Variants in DDX28 observed in about 807,000 individuals in gnomAD.
DDX28 encodes DEAD-box helicase 28.
In DDX28, 25 loss-of-function variants were observed where a neutral mutation model predicts 26.8. The ratio of observed to expected loss-of-function variants is 0.93; its 90% CI spans 0.68 to 1.30. The LOEUF is 1.30. Ranked by LOEUF, DDX28 falls within the 50% of genes most tolerant of loss-of-function variation. The probability of loss-of-function intolerance (pLI) is 0.00; values close to 1 mark genes in which losing one functional copy is unlikely to be tolerated. For synonymous variants in DDX28, 370 were observed against 311.9 expected, an observed-to-expected ratio of 1.19 and a Z score of -1.96; for missense variants, 790 against 695.1, an observed-to-expected ratio of 1.14 and a Z score of -1.53.
rs766801673 is a variant in DDX28, at chr16:68,022,116, G to A, written c.1087C>T (p.Pro363Ser). The A allele has an allele frequency of 3.1e-6, 5 of 1,614,086 alleles. No individual in the cohort carries two copies. The Admixed American group carries it at 5.0e-5, about 16-fold the overall frequency. Reference protein sequence around the residue: ...ITSSKLHCIMPHVKQTFLRLK... With the variant: ...ITSSKLHCIMSHVKQTFLRLK... ...CTCAGAAATGTCTGTTTCACATGAG[G>A]CATGATACAGTGGAGCTTGGAGCTG... Residue 363 changes from proline (P) to serine (S), a missense_variant, in exon 1 of 1, where the codon CCT becomes TCT. Coordinates refer to ENST00000332395, the MANE Select transcript of DDX28 (RefSeq NM_018380.4).
Position 68,022,832 on chromosome 16 carries a change from G to A in DDX28, c.371C>T (p.Ser124Phe), listed in dbSNP as rs1403161244. Residue 124 changes from serine (S) to phenylalanine (F), a missense_variant, in exon 1 of 1, where the codon TCT (serine) becomes TTT (phenylalanine). By Grantham distance (155) the Ser-to-Phe change is radical (BLOSUM62 -2). Coordinates refer to ENST00000332395, the MANE Select transcript of DDX28 (RefSeq NM_018380.4). ...QEAPAVRKLS[S>F]KGSFADLGLE... ...GCCCAGGTCAGCAAAGCTGCCCTTAGACGAGAGCTTTCGCACCGCTGGCGC... is the reference window on the plus strand; with the variant it reads ...GCCCAGGTCAGCAAAGCTGCCCTTAAACGAGAGCTTTCGCACCGCTGGCGC... 1.9e-6 allele frequency: 3 copies of A among 1,575,002 alleles called. No homozygotes were observed. The African/African-American group carries it at 4.1e-5, about 21-fold the overall frequency.
Position 68,022,979 on chromosome 16 carries a change from T to G in DDX28, c.224A>C (p.Glu75Ala), listed in dbSNP as rs1015693133. ...GPLLVSARRPELNQPARLTLG... is the reference protein window; with the variant it reads ...GPLLVSARRPALNQPARLTLG... ...TGTGAGGCGCGCCGGCTGGTTCAACTCCGGCCGCCGCGCCGAAACCAGCAG... is the reference window on the plus strand; with the variant it reads ...TGTGAGGCGCGCCGGCTGGTTCAACGCCGGCCGCCGCGCCGAAACCAGCAG... The change falls in exon 1 of 1, where the codon GAG becomes GCG. Residue 75 changes from glutamate to alanine, a missense_variant. Coordinates refer to ENST00000332395, the MANE Select transcript of DDX28 (RefSeq NM_018380.4). The G allele has an allele frequency of 1.3e-6, 2 of 1,550,566 alleles. No individual in the cohort carries two copies. Among genetic ancestry groups the G allele is most frequent in the Non-Finnish European group, 1.7e-6 (2 of 1,156,036 alleles).
chr16:68,021,698 A>T lies in DDX28; in HGVS notation c.1505T>A (p.Phe502Tyr). Residue 502 changes from phenylalanine (F) to tyrosine (Y), a missense_variant, in exon 1 of 1, where the codon TTT becomes TAT. By Grantham distance (22) the Phe-to-Tyr change is conservative (BLOSUM62 3). Coordinates refer to ENST00000332395, the MANE Select transcript of DDX28 (RefSeq NM_018380.4). ...GCTCACATCCCAGGGATGGGTCACA[A>T]AACTGATGACGGTGCCTGGCACCTC... ...GSEVPGTVIS[F>Y]VTHPWDVSLV... 6.2e-7 allele frequency: 1 copy of T among 1,614,206 alleles called. No homozygotes were observed. The highest frequency in any genetic ancestry group is 8.5e-7 in the Non-Finnish European group (1 of 1,180,036).
rs758670444 is a variant in DDX28 at position 68,022,650 on chromosome 16, G to C, written c.553C>G (p.Pro185Ala). 3.1e-6 allele frequency: 5 copies of C among 1,613,012 alleles called. No individual in the cohort carries two copies. The highest frequency in any genetic ancestry group is 1.7e-6 in the Non-Finnish European group (2 of 1,179,836). Reference sequence around the variant, plus strand: ...TGGCCCAAGAGCCGTTGAAGCAGCGGCAGGAGGTAGCTGAGAGTCTTGCCA... The same window carrying C: ...TGGCCCAAGAGCCGTTGAAGCAGCGCCAGGAGGTAGCTGAGAGTCTTGCCA... ...GSGKTLSYLL[P>A]LLQRLLGQPS... The change falls in exon 1 of 1, where the codon CCG (proline) becomes GCG (alanine). Residue 185 changes from proline (P) to alanine (A), a missense_variant. Physicochemically the swap from Pro to Ala is conservative, Grantham distance 27. Transcript: ENST00000332395.
Position 68,022,853 on chromosome 16 carries a change from GGCGCCTCCT to G in DDX28, c.341_349del (p.Gln114_Ala116del). 6.4e-7 allele frequency: 1 copy of G among 1,571,658 alleles called. No individual in the cohort carries two copies. The highest frequency in any genetic ancestry group is 2.3e-5 in the East Asian group (1 of 44,186). The stretch of plus-strand genomic sequence containing the variant: ...CTTAGACGAGAGCTTTCGCACCGCT[GGCGCCTCCT>G]GTTGCGCGCGCTCGATGGAGAAGTG... On this transcript the variant is annotated inframe_deletion, in exon 1 of 1. Transcript: ENST00000332395.
rs1297742510 is a variant in DDX28 at position 68,022,046 on chromosome 16, T to C, written c.1157A>G (p.Lys386Arg). The part of the protein sequence containing the change: ...DKVAELVHIL[K>R]HRDRAERTGP... Reference sequence around the variant, plus strand: ...AGTCCTTTCTGCTCTGTCACGATGCTTGAGGATGTGCACCAGCTCGGCCAC... The same window carrying C: ...AGTCCTTTCTGCTCTGTCACGATGCCTGAGGATGTGCACCAGCTCGGCCAC... The change falls in exon 1 of 1, where the codon AAG becomes AGG. Residue 386 changes from lysine to arginine, a missense_variant. Coordinates refer to ENST00000332395, the MANE Select transcript of DDX28 (RefSeq NM_018380.4). 2 of 1,614,186 alleles carry C rather than the reference T, an allele frequency of 1.2e-6. No individual in the cohort carries two copies. Among genetic ancestry groups the C allele is most frequent in the Non-Finnish European group, 1.7e-6 (2 of 1,180,024 alleles).
rs140020726 is a variant in DDX28 at position 68,022,245 on chromosome 16, A to G, written c.958T>C (p.Phe320Leu). The G allele has an allele frequency of 6.6e-4, 1,072 of 1,614,192 alleles. 4 individuals carry two copies. In the African/African-American group the frequency reaches 0.013, roughly 20 times the overall value. Reference sequence around the variant, plus strand: ...AGCACTAACTGAGCTTTGGGATTGAAGGGGTCTTCCAAGTCAGCTGGGCCT... The same window carrying G: ...AGCACTAACTGAGCTTTGGGATTGAGGGGGTCTTCCAAGTCAGCTGGGCCT... Reference protein sequence around the residue: ...AEGPADLEDPFNPKAQLVLVG... With the variant: ...AEGPADLEDPLNPKAQLVLVG... Residue 320 changes from phenylalanine (F) to leucine (L), a missense_variant, in exon 1 of 1, where the codon TTC (phenylalanine) becomes CTC (leucine). Phe to Leu is a conservative substitution (Grantham distance 22). Transcript: ENST00000332395.
At position 68,022,396 on chromosome 16, in the gene DDX28, G is replaced by C. The variant is rs774695916; in HGVS notation, c.807C>G (p.Ala269=). ...CCAGACTGATCAGTCGACTTTTCAG[G>C]GCCTTCCACAGAGCCCCTGGAGTGG... The part of the protein sequence containing the change: ...LVATPGALWK[A]LKSRLISLEQ... The change falls in exon 1 of 1, where the codon GCC becomes GCG. Residue 269 remains alanine, a synonymous_variant. Transcript: ENST00000332395. The C allele has an allele frequency of 1.9e-5, 30 of 1,614,080 alleles. No homozygotes were observed. Among genetic ancestry groups the C allele is most frequent in the Non-Finnish European group, 2.5e-5 (29 of 1,180,018 alleles).
At position 68,022,778 on chromosome 16, in the gene DDX28, T is replaced by C. The variant is rs559827681; in HGVS notation, c.425A>G (p.Gln142Arg). Residue 142 changes from glutamine (Q) to arginine (R), a missense_variant, in exon 1 of 1, where the codon CAG becomes CGG. Transcript: ENST00000332395. ...GLEPRVLHAL[Q>R]EAAPEVVQPT... ...CTGAACGACTTCAGGCGCAGCCTCC[T>C]GTAGTGCGTGCAGCACACGGGGCTC... 41 of 1,607,544 alleles carry C rather than the reference T, an allele frequency of 2.6e-5. No individual in the cohort carries two copies. In the African/African-American group the frequency reaches 4.8e-4, roughly 19 times the overall value.
Position 68,023,129 on chromosome 16 carries a change from G to C in DDX28, c.74C>G (p.Thr25Arg). Reference sequence around the variant, plus strand: ...CAGGGGTTCGTCGGGACTGCGGACCGTGAGGCCCCGTCGCGGCGCCAGGAG... The same window carrying C: ...CAGGGGTTCGTCGGGACTGCGGACCCTGAGGCCCCGTCGCGGCGCCAGGAG... The part of the protein sequence containing the change: ...RLLLAPRRGL[T>R]VRSPDEPLPV... The change falls in exon 1 of 1, where the codon ACG (threonine) becomes AGG (arginine). Residue 25 changes from threonine (T) to arginine (R), a missense_variant. Coordinates refer to ENST00000332395, the MANE Select transcript of DDX28 (RefSeq NM_018380.4). 6.2e-7 allele frequency: 1 copy of C among 1,605,296 alleles called. No homozygotes were observed. The highest frequency in any genetic ancestry group is 1.7e-5 in the Admixed American group (1 of 59,986).
In DDX28 at chr16:68,022,706, C is replaced by A; in HGVS notation, c.497G>T (p.Arg166Leu). ...SSTIPSLLRG[R>L]HVVCAAETGS... is the part of the protein sequence containing the mutation. ...GGTTTCTGCGGCGCAAACGACATGG[C>A]GGCCGCGAAGTAGTGAGGGGATGGT... is the stretch of plus-strand genomic sequence containing the variant. Residue 166 changes from arginine (R) to leucine (L), a missense_variant, in exon 1 of 1, where the codon CGC becomes CTC. Physicochemically the swap from Arg to Leu is moderately radical, Grantham distance 102. Coordinates refer to ENST00000332395, the MANE Select transcript of DDX28 (RefSeq NM_018380.4). The A allele has an allele frequency of 1.2e-6, 2 of 1,613,200 alleles. No homozygotes were observed. The highest frequency in any genetic ancestry group is 1.7e-6 in the Non-Finnish European group (2 of 1,179,986).
In DDX28 at chr16:68,021,583, G is replaced by A; in HGVS notation, c.1620C>T (p.Thr540=). 2.5e-6 allele frequency: 4 copies of A among 1,611,720 alleles called. No homozygotes were observed. Among genetic ancestry groups the A allele is most frequent in the Non-Finnish European group, 2.5e-6 (3 of 1,178,328 alleles). ...ATTTTAATCAGATTTGTCAAAATCA[G>A]GTTGCTTGGGGCAAAGGCTCTTTCA... is the stretch of plus-strand genomic sequence containing the variant. The part of the protein sequence containing the change: ...SSVKEPLPQA[T] Residue 540 remains threonine (T), a synonymous_variant, in exon 1 of 1, where the codon ACC becomes ACT. Coordinates refer to ENST00000332395, the MANE Select transcript of DDX28 (RefSeq NM_018380.4).
At position 68,021,792 on chromosome 16, in the gene DDX28, T is replaced by A. The variant is rs142020569; in HGVS notation, c.1411A>T (p.Asn471Tyr). 8.7e-6 allele frequency: 14 copies of A among 1,614,106 alleles called. No homozygotes were observed. The highest frequency in any genetic ancestry group is 1.2e-5 in the Non-Finnish European group (14 of 1,180,012). The change falls in exon 1 of 1, where the codon AAT (asparagine) becomes TAT (tyrosine). Residue 471 changes from asparagine (N) to tyrosine (Y), a missense_variant. Asn to Tyr is a moderately radical substitution (Grantham distance 143). Coordinates refer to ENST00000332395, the MANE Select transcript of DDX28 (RefSeq NM_018380.4). Reference sequence around the variant, plus strand: ...TGCAGCGTTGGGGGGAAATCATAATTGACAACCAGCTCCACACCAGTGCTG... The same window carrying A: ...TGCAGCGTTGGGGGGAAATCATAATAGACAACCAGCTCCACACCAGTGCTG... ...LDSTGVELVV[N>Y]YDFPPTLQDY... is the part of the protein sequence containing the mutation.
chr16:68,022,759 G>A lies in DDX28; in HGVS notation c.444C>T (p.Val148=). 2 of 1,611,784 alleles carry A rather than the reference G, an allele frequency of 1.2e-6. No individual in the cohort carries two copies. The highest frequency in any genetic ancestry group is 1.7e-6 in the Non-Finnish European group (2 of 1,179,252). The change falls in exon 1 of 1, where the codon GTC becomes GTT. Residue 148 remains valine, a synonymous_variant. Transcript: ENST00000332395. ...TAGACTGCACGGTTGTGGGCTGAACGACTTCAGGCGCAGCCTCCTGTAGTG... is the reference window on the plus strand; with the variant it reads ...TAGACTGCACGGTTGTGGGCTGAACAACTTCAGGCGCAGCCTCCTGTAGTG... The part of the protein sequence containing the change: ...LHALQEAAPE[V]VQPTTVQSST...
Position 68,021,380 on chromosome 16 carries a change from GACT to G in DDX28, c.*197_*199del. 1.7e-6 allele frequency: 1 copy of G among 593,748 alleles called. No individual in the cohort carries two copies. Among genetic ancestry groups the G allele is most frequent in the East Asian group, 2.8e-5 (1 of 35,468 alleles). 36.8% of individuals were successfully genotyped at this position (593,748 alleles called of 1,614,324 possible). ...CAAAATCCACTTGTGTCTTGCTAAA[GACT>G]ACAGAAAGCCATGCTCAGCAGCTTC... On this transcript the variant is annotated 3_prime_UTR_variant, in exon 1 of 1. Coordinates refer to ENST00000332395, the MANE Select transcript of DDX28 (RefSeq NM_018380.4).
In DDX28 at chr16:68,021,832, G is replaced by A. The variant is rs373739456; in HGVS notation, c.1371C>T (p.Ala457=). 60 of 1,614,090 alleles carry A rather than the reference G, an allele frequency of 3.7e-5. 2 individuals are homozygous for A. In the South Asian group the frequency reaches 6.3e-4, roughly 17 times the overall value. The change falls in exon 1 of 1, where the codon GCC becomes GCT. Residue 457 remains alanine, a synonymous_variant. Transcript: ENST00000332395. ...CACCAGTGCTGTCCAGGCCCCGAGA[G>A]GCTATGTCTGTGCAGAGAAGTATGT... ...SRDILLCTDI[A]SRGLDSTGVE...
chr16:68,023,161 A>T lies in DDX28; in HGVS notation c.42T>A (p.Thr14=). Residue 14 remains threonine, a synonymous_variant, in exon 1 of 1, where the codon ACT becomes ACA. Coordinates refer to ENST00000332395, the MANE Select transcript of DDX28 (RefSeq NM_018380.4). ...CCCGTCGCGGCGCCAGGAGCAACCGAGTCACGAGGGAAAAGAGCCGCACCG... is the reference window on the plus strand; with the variant it reads ...CCCGTCGCGGCGCCAGGAGCAACCGTGTCACGAGGGAAAAGAGCCGCACCG... The part of the protein sequence containing the change: ...TRPVRLFSLV[T]RLLLAPRRGL... The T allele has an allele frequency of 6.2e-7, 1 of 1,608,750 alleles. No individual in the cohort carries two copies. Among genetic ancestry groups the T allele is most frequent in the South Asian group, 1.1e-5 (1 of 91,018 alleles).
Position 68,022,015 on chromosome 16 carries a change from G to C in DDX28, c.1188C>G (p.Pro396=). Reference sequence around the variant, plus strand: ...TACAGAACACCAGAACAGTTCCTGAGGGACCAGTCCTTTCTGCTCTGTCAC... The same window carrying C: ...TACAGAACACCAGAACAGTTCCTGACGGACCAGTCCTTTCTGCTCTGTCAC... ...KHRDRAERTG[P]SGTVLVFCNS... Residue 396 remains proline, a synonymous_variant, in exon 1 of 1, where the codon CCC becomes CCG. Transcript: ENST00000332395. 4 of 1,614,192 alleles carry C rather than the reference G, an allele frequency of 2.5e-6. No homozygotes were observed. The highest frequency in any genetic ancestry group is 1.1e-5 in the South Asian group (1 of 91,082).
At position 68,021,782 on chromosome 16, in the gene DDX28, A is replaced by G. The variant is rs2033244586; in HGVS notation, c.1421T>C (p.Phe474Ser). The G allele has an allele frequency of 1.9e-6, 3 of 1,613,824 alleles. No individual in the cohort carries two copies. Among genetic ancestry groups the G allele is most frequent in the African/African-American group, 1.3e-5 (1 of 74,832 alleles). ...GATGTAATCTTGCAGCGTTGGGGGG[A>G]AATCATAATTGACAACCAGCTCCAC... is the stretch of plus-strand genomic sequence containing the variant. The part of the protein sequence containing the change: ...TGVELVVNYD[F>S]PPTLQDYIHR... Residue 474 changes from phenylalanine to serine, a missense_variant, in exon 1 of 1, where the codon TTC (phenylalanine) becomes TCC (serine). By Grantham distance (155) the Phe-to-Ser change is radical (BLOSUM62 -2). Transcript: ENST00000332395.
Sources: allele counts gnomAD v4.1 joint callset, GRCh38; gene constraint gnomAD v4.1.1; transcripts MANE v1.5; gene names NCBI Gene and HGNC (gene_info 2026-07-23, HGNC 2026-07-21).